CNBD1: variants seen among roughly 807,000 people sequenced by gnomAD.
The protein encoded by CNBD1 is cyclic nucleotide-binding domain-containing protein 1.
In CNBD1, 71 loss-of-function variants were observed where a neutral mutation model predicts 54.4. The ratio of observed to expected loss-of-function variants is 1.30; its 90% CI spans 1.08 to 1.59. The LOEUF is 1.59. Among genes scored for constraint, CNBD1 ranks in the 40% most tolerant of loss-of-function variants. CNBD1 has a pLI of 0.00. For missense variants in CNBD1, 659 were observed against 518.0 expected (o/e 1.27, Z -2.64); for synonymous variants, 182 against 170.7 (o/e 1.07, Z -0.51).
intron 10 of CNBD1, among the ~76,000 whole-genome samples, chr8:87,378,638 C>G: frequency 6.7e-6 from 1 of 148,946 alleles, no homozygotes. Context: ...GCTCTGCAGG[C>G]TCTTTTTTGG....
In CNBD1 at chr8:87,054,892, C is replaced by T. The variant is rs574817283; in HGVS notation, c.431+115138C>T. On this transcript the variant is annotated intron_variant, in intron 4 of 10. Coordinates refer to ENST00000518476, the MANE Select transcript of CNBD1 (RefSeq NM_173538.3). The stretch of plus-strand genomic sequence containing the variant: ...AAAGTCCTCTCAAGAAAGCCTGTCC[C>T]CTGAGTCTTGTAAGACTGGAAGTTA... Among the ~76,000 whole-genome samples the T allele has an allele frequency of 1.9e-4, 29 of 152,282 alleles. 1 individual carries two copies. In the East Asian group the frequency reaches 2.9e-3, roughly 15 times the overall value.
chr8:87,387,380 A>C (rs1811210886), downstream of CNBD1, among the ~76,000 whole-genome samples: 1 of 152,122 alleles, frequency 6.6e-6, no homozygotes, highest in African/African-American at 2.4e-5. Context: ...GCCGAGACAC[A>C]CATAGGCTCA....
intron 6 of CNBD1, among the ~76,000 whole-genome samples, chr8:87,266,799 G>T (rs901992368): frequency 1.3e-5 from 2 of 151,994 alleles, no homozygotes; most frequent in African/African-American, 4.8e-5. Flanking sequence ...AGTGAGTAAT[G>T]TGGGTTCATT....
At chr8:86,927,338 C>T (rs955239350) in intron 3 of CNBD1, among the ~76,000 whole-genome samples, 14 of 152,024 alleles carry the variant, frequency 9.2e-5, no homozygotes, top group Non-Finnish European at 1.3e-4. Flanking sequence ...TGCAGGGGGT[C>T]CAGGGGTGAA....
At chr8:86,952,466 G>A (rs890426672) in intron 4 of CNBD1, among the ~76,000 whole-genome samples, 3 of 151,798 alleles carry the variant, frequency 2.0e-5, no homozygotes, top group Non-Finnish European at 4.4e-5. Flanking sequence ...ACCATTTATG[G>A]AATGGAGAAT....
At chr8:87,223,363 G>A (rs1459484883) in intron 5 of CNBD1, among the ~76,000 whole-genome samples, 2 of 151,578 alleles carry the variant, frequency 1.3e-5, no homozygotes, top group African/African-American at 2.4e-5. Context: ...CTAGCATTAG[G>A]TATATCTCCC....
intron 10 of CNBD1, among the ~76,000 whole-genome samples, chr8:87,357,586 T>A (rs1307654414): frequency 6.6e-6 from 1 of 152,208 alleles, no homozygotes; most frequent in Non-Finnish European, 1.5e-5. Flanking sequence ...TTTACTTGAT[T>A]TCTTTAGCAC....
chr8:87,062,496 G>T (rs1199851238), intron 4 of CNBD1, among the ~76,000 whole-genome samples: 1 of 152,174 alleles, frequency 6.6e-6, no homozygotes, highest in Admixed American at 6.5e-5. Context: ...CCGGCACTTT[G>T]TGAGGCCAAG....
chr8:86,928,576 T>C (rs1287846650), intron 3 of CNBD1, among the ~76,000 whole-genome samples: 1 of 152,212 alleles, frequency 6.6e-6, no homozygotes, highest in Non-Finnish European at 1.5e-5. Context: ...TTTAACTACT[T>C]CCTGAGCCTT....
chr8:87,095,851 G>A (rs182483834), intron 4 of CNBD1, among the ~76,000 whole-genome samples: 2 of 152,178 alleles, frequency 1.3e-5, no homozygotes, highest in East Asian at 3.9e-4. Flanking sequence ...TAGAGACGGG[G>A]GTCTCACTGT....
chr8:87,385,504 G>A (rs1446345530), downstream of CNBD1, among the ~76,000 whole-genome samples: 4 of 152,046 alleles, frequency 2.6e-5, no homozygotes, highest in African/African-American at 4.8e-5. Context: ...CTACGCCCAC[G>A]GATCCTTGCT....
intron 4 of CNBD1, among the ~76,000 whole-genome samples, chr8:86,999,589 T>C (rs1808951297): frequency 6.6e-6 from 1 of 151,472 alleles, no homozygotes; most frequent in African/African-American, 2.4e-5. Flanking sequence ...CTTCCCAAAG[T>C]AGTTTAATCT....
chr8:87,043,565 A>G (rs909423876), intron 4 of CNBD1, among the ~76,000 whole-genome samples: 20 of 152,146 alleles, frequency 1.3e-4, no homozygotes, highest in Admixed American at 4.6e-4. Flanking sequence ...CTCTGATACT[A>G]GGTCAGTCCC....
At chr8:86,882,564 GT>G (rs1051907583) in intron 1 of CNBD1, among the ~76,000 whole-genome samples, 5 of 152,182 alleles carry the variant, frequency 3.3e-5, no homozygotes, top group African/African-American at 1.2e-4. Context: ...CTTACACCCT[GT>G]TGGTGGGACT....
intron 5 of CNBD1, among the ~76,000 whole-genome samples, chr8:87,218,392 A>G (rs1302422824): frequency 6.6e-6 from 1 of 152,110 alleles, no homozygotes; most frequent in Admixed American, 6.6e-5. Context: ...GCATTCTTCC[A>G]GATAAACTAA....
intron 4 of CNBD1, among the ~76,000 whole-genome samples, chr8:87,046,238 A>G (rs943665412): frequency 6.6e-6 from 1 of 152,104 alleles, no homozygotes; most frequent in Non-Finnish European, 1.5e-5. Flanking sequence ...GATCTCTCAA[A>G]AAGAGAAATA....
At chr8:87,379,062 A>G (rs1811016038) in intron 10 of CNBD1, among the ~76,000 whole-genome samples, 2 of 150,876 alleles carry the variant, frequency 1.3e-5, no homozygotes, top group African/African-American at 2.5e-5. Flanking sequence ...GGGCTGAGAC[A>G]ATGGGGTTTT....
chr8:87,414,512 T>G (rs1378076710), intron 2 of CNBD1, among the ~76,000 whole-genome samples: 1 of 152,072 alleles, frequency 6.6e-6, no homozygotes, highest in East Asian at 1.9e-4. Flanking sequence ...CCCTAAAACT[T>G]AAAGTATAAT....
At chr8:87,212,809 C>T (rs947545095) in intron 5 of CNBD1, among the ~76,000 whole-genome samples, 4 of 152,052 alleles carry the variant, frequency 2.6e-5, no homozygotes, top group African/African-American at 9.7e-5. Context: ...TGTTTTTACA[C>T]ATAACACTGA....
Sources: allele counts gnomAD v4.1 joint callset (sites outside exome capture counted in the v4.1 genomes callset), GRCh38; gene constraint gnomAD v4.1.1; transcripts MANE v1.5; gene names NCBI Gene and HGNC (gene_info 2026-07-23, HGNC 2026-07-21).